Variants in ADGRB1 observed in about 807,000 individuals in gnomAD.
ADGRB1 encodes brain-specific angiogenesis inhibitor 1.
ADGRB1 carries 36 observed loss-of-function variants against 175.7 expected under a neutral mutation model. The ratio of observed to expected loss-of-function variants is 0.20; its 90% CI spans 0.16 to 0.27. ADGRB1 has a LOEUF of 0.27. ADGRB1 is among the 10% of genes least tolerant of loss of function. ADGRB1 has a pLI of 1.00. For missense variants in ADGRB1, 1,731 were observed against 2,255.3 expected (o/e 0.77, Z 4.71); for synonymous variants, 1,054 against 979.4 (o/e 1.08, Z -1.42).
At chr8:142,475,400 C>G in intron 2 of ADGRB1, 74 bp from the exon 3 acceptor site, 1 of 1,230,878 alleles carries the variant, frequency 8.1e-7, no homozygotes, top group South Asian at 4.0e-5. Flanking sequence ...GCGGGCTTAG[C>G]ACCCCCATGA....
intron 1 of ADGRB1, among the ~76,000 whole-genome samples, chr8:142,451,547 C>T (rs1486060671): frequency 1.3e-5 from 2 of 152,068 alleles, no homozygotes; most frequent in Non-Finnish European, 2.9e-5. Flanking sequence ...CCTGCACTCC[C>T]GCCCCAGAGG....
At position 142,469,544 on chromosome 8, in the gene ADGRB1, T is replaced by C. The variant is rs559628121; in HGVS notation, c.784+4562T>C. 2.0e-5 allele frequency among the ~76,000 whole-genome samples: 3 copies of C among 147,314 alleles called. No individual in the cohort carries two copies. The East Asian group carries it at 6.1e-4, about 30-fold the overall frequency. On this transcript the variant is annotated intron_variant, in intron 2 of 30. Transcript: ENST00000517894. ...ACGTGCATGTGTGAATGTGAGTGTA[T>C]GCACGTGCATGTGTGTGAATGTGTG...
At chr8:142,477,072 C>T in intron 4 of ADGRB1, 42 bp from the exon 5 acceptor site, 1 of 1,486,516 alleles carries the variant, frequency 6.7e-7, no homozygotes, top group East Asian at 2.4e-5. Flanking sequence ...TGACTGCAGC[C>T]CCATGGGCGG....
chr8:142,459,508 T>G (rs540811359), intron 1 of ADGRB1, among the ~76,000 whole-genome samples: 1 of 152,276 alleles, frequency 6.6e-6, no homozygotes, highest in Admixed American at 6.5e-5. Context: ...TCTGGCTAAA[T>G]GCACCCTCTG....
chr8:142,520,994 G>C, intron 20 of ADGRB1, 69 bp downstream of exon 20: 1 of 1,457,980 alleles, frequency 6.9e-7, no homozygotes, highest in South Asian at 1.2e-5. Context: ...CCCCAGGAGG[G>C]GCCTGGACCG....
chr8:142,466,370 A>G (rs908791419), intron 2 of ADGRB1, among the ~76,000 whole-genome samples: 2 of 152,178 alleles, frequency 1.3e-5, no homozygotes, highest in African/African-American at 4.8e-5. Flanking sequence ...GCATGGTTCT[A>G]CCCACAACAC....
At position 142,518,234 on chromosome 8, in the gene ADGRB1, G is replaced by A. The variant is rs377716870; in HGVS notation, c.2914G>A (p.Val972Met). The A allele has an allele frequency of 7.4e-6, 12 of 1,613,432 alleles. No homozygotes were observed. The highest frequency in any genetic ancestry group is 4.0e-5 in the African/African-American group (3 of 74,912). Residue 972 changes from valine (V) to methionine (M), a missense_variant, in exon 19 of 31, where the codon GTG becomes ATG. Val to Met is a conservative substitution (Grantham distance 21). Transcript: ENST00000517894. The part of the protein sequence containing the change: ...LLMLVIIYVS[V>M]WRYIRSERSV... ...CATGCTGGTCATCATCTACGTGTCC[G>A]TGTGGAGGTGGGTGCCGCCCAGGTG...
At chr8:142,472,943 G>C (rs907196677) in intron 2 of ADGRB1, among the ~76,000 whole-genome samples, 1 of 152,116 alleles carries the variant, frequency 6.6e-6, no homozygotes, top group African/African-American at 2.4e-5. Flanking sequence ...GGCTTGGTTT[G>C]TGGGGGCAGG....
chr8:142,470,937 G>A (rs917715628), intron 2 of ADGRB1, among the ~76,000 whole-genome samples: 5 of 152,170 alleles, frequency 3.3e-5, no homozygotes, highest in Admixed American at 6.5e-5. Flanking sequence ...GGCATCTGGA[G>A]GCCTGTCTGG....
In ADGRB1 at chr8:142,479,318, C is replaced by T. The variant is rs376927595; in HGVS notation, c.1562-5C>T. ...CTGTGCCCTGTGTCTGGCCACGCCC[C>T]GCAGTGGATGGCAAGTGGCAGGCCT... On this transcript the variant is annotated splice_region_variant and splice_polypyrimidine_tract_variant and intron_variant, in intron 7 of 30. Transcript: ENST00000517894. 4.7e-5 allele frequency: 70 copies of T among 1,499,342 alleles called. No individual in the cohort carries two copies. Among genetic ancestry groups the T allele is most frequent in the East Asian group, 4.1e-4 (17 of 41,596 alleles). The allele number at this position is 1,499,342 out of a possible 1,614,324, so 92.9% of individuals were successfully genotyped here. A position where few individuals can be genotyped will look rare whatever the true frequency, so the allele number is the denominator to read the frequency against.
chr8:142,524,977 A>T (rs1306817494), intron 23 of ADGRB1, among the ~76,000 whole-genome samples: 3 of 151,908 alleles, frequency 2.0e-5, no homozygotes, highest in African/African-American at 7.3e-5. Context: ...CAGGGTTCAC[A>T]CCCACCCTCA....
At chr8:142,482,240 CTGACCCTGGTCACACTGAGCCT>C (rs1841392750) in intron 11 of ADGRB1, among the ~76,000 whole-genome samples, 1 of 148,134 alleles carries the variant, frequency 6.8e-6, no homozygotes. Context: ...ACACTGAGCC[CTGACCCTGGTCACACTGAGCCT>C]TGATCCTGAT....
At chr8:142,457,766 G>C (rs1307930521) in intron 1 of ADGRB1, among the ~76,000 whole-genome samples, 1 of 152,146 alleles carries the variant, frequency 6.6e-6, no homozygotes, top group Admixed American at 6.5e-5. Flanking sequence ...CCTCGACTTG[G>C]CTAGTGCCTG....
chr8:142,459,646 A>C (rs1184632153), intron 1 of ADGRB1, among the ~76,000 whole-genome samples: 2 of 152,214 alleles, frequency 1.3e-5, no homozygotes, highest in Admixed American at 1.3e-4. Context: ...GTGTGTGTTC[A>C]TGCTCACATA....
Position 142,493,083 on chromosome 8 carries a change from G to T in ADGRB1, c.2675+2268G>T, listed in dbSNP as rs1005499933. Among the ~76,000 whole-genome samples, 1 of 151,886 alleles carries T rather than the reference G, an allele frequency of 6.6e-6. No homozygotes were observed. Among genetic ancestry groups the T allele is most frequent in the Admixed American group, 6.5e-5 (1 of 15,274 alleles). ...TCACCCGTACTTCTGATTGCTCCCT[G>T]GGGATCAGTCCCCAGGCAGTCTTGT... On this transcript the variant is annotated intron_variant, in intron 17 of 30. Transcript: ENST00000517894. This position sits in a 1 kb window ranked among gnomAD's most constrained non-coding sequence, Gnocchi z 5.0.
At chr8:142,522,518 T>C in intron 21 of ADGRB1, 123 bp from the exon 22 acceptor site, 1 of 959,316 alleles carries the variant, frequency 1.0e-6, no homozygotes, top group Non-Finnish European at 1.5e-6. Context: ...CTCAGCCCCA[T>C]CCTCTGTTGG....
At chr8:142,477,596 G>T in intron 6 of ADGRB1, 47 bp downstream of exon 6, 1 of 1,580,098 alleles carries the variant, frequency 6.3e-7, no homozygotes. Flanking sequence ...GGAAGAAAGG[G>T]GAGGTCACAG....
chr8:142,540,993 G>A (rs573723818), intron 27 of ADGRB1, among the ~76,000 whole-genome samples: 5 of 152,150 alleles, frequency 3.3e-5, no homozygotes, highest in Admixed American at 3.3e-4. Flanking sequence ...CCTGGGGCCC[G>A]TGTGCCTGGC....
intron 12 of ADGRB1, 86 bp from the exon 13 acceptor site, chr8:142,484,570 A>G (rs1841560136): frequency 1.4e-5 from 18 of 1,332,070 alleles, no homozygotes; most frequent in Non-Finnish European, 1.3e-5. Flanking sequence ...GGCCAATAAG[A>G]AAAGGAGGGA....
Sources: allele counts gnomAD v4.1 joint callset (sites outside exome capture counted in the v4.1 genomes callset), GRCh38; gene constraint gnomAD v4.1.1; non-coding constraint Gnocchi (gnomAD v3.1); transcripts MANE v1.5; gene names NCBI Gene and HGNC (gene_info 2026-07-23, HGNC 2026-07-21).